PTK2: variants seen among roughly 807,000 people sequenced by gnomAD.
PTK2 encodes the protein protein tyrosine kinase 2, also known as focal adhesion kinase 1.
A neutral mutation model predicts 150.1 loss-of-function variants in PTK2; 45 were observed. The observed-to-expected ratio is 0.30, with a 90% CI of 0.24 to 0.38. The LOEUF (loss-of-function observed/expected upper bound fraction) is 0.38. PTK2 is among the 10% of genes least tolerant of loss of function. The probability of loss-of-function intolerance (pLI) is 1.00; values close to 1 mark genes in which losing one functional copy is unlikely to be tolerated. For missense variants in PTK2, 919 were observed against 1,307.3 expected, an observed-to-expected ratio of 0.70 and a Z score of 4.58; for synonymous variants, 432 against 449.2, an observed-to-expected ratio of 0.96 and a Z score of 0.48.
At chr8:140,727,627 C>T (rs1471046307) in intron 22 of PTK2, among the ~76,000 whole-genome samples, 5 of 151,822 alleles carry the variant, frequency 3.3e-5, no homozygotes, top group African/African-American at 1.2e-4. Context: ...TTAATCAAAC[C>T]TAGAACTTCT....
At chr8:140,742,813 A>G (rs1048959324) in intron 20 of PTK2, among the ~76,000 whole-genome samples, 6 of 152,070 alleles carry the variant, frequency 3.9e-5, no homozygotes, top group African/African-American at 1.4e-4. Context: ...TTCTCTTTTC[A>G]TCCTTTTAAC....
At chr8:140,916,155 T>C (rs951757040) in intron 2 of PTK2, among the ~76,000 whole-genome samples, 2 of 152,198 alleles carry the variant, frequency 1.3e-5, no homozygotes, top group African/African-American at 4.8e-5. Context: ...AAGACATCTG[T>C]TGAGAGAACC....
intron 2 of PTK2, among the ~76,000 whole-genome samples, chr8:140,915,275 T>C (rs993082445): frequency 6.6e-6 from 1 of 151,942 alleles, no homozygotes; most frequent in East Asian, 1.9e-4. Flanking sequence ...TTTAAATTGT[T>C]TGATCGGGCT....
chr8:140,736,016 G>C (rs1280994431), intron 21 of PTK2, among the ~76,000 whole-genome samples: 3 of 152,126 alleles, frequency 2.0e-5, no homozygotes, highest in Non-Finnish European at 4.4e-5. Flanking sequence ...AACTTCTTTG[G>C]GCTTCAAGTC....
intron 1 of PTK2, among the ~76,000 whole-genome samples, chr8:140,991,872 A>G (rs61589569): frequency 6.7e-6 from 1 of 150,076 alleles, no homozygotes; most frequent in Non-Finnish European, 1.5e-5. Context: ...AGCTAGGCGT[A>G]GTGGCATGCG....
intron 22 of PTK2, among the ~76,000 whole-genome samples, chr8:140,729,881 TCTC>T (rs1311234288): frequency 2.0e-5 from 3 of 152,120 alleles, no homozygotes; most frequent in South Asian, 2.1e-4. Context: ...ACAGTTTCAG[TCTC>T]CTCATCATCG....
chr8:140,960,111 G>A (rs2100182594), intron 1 of PTK2, among the ~76,000 whole-genome samples: 1 of 147,354 alleles, frequency 6.8e-6, no homozygotes, highest in African/African-American at 2.5e-5. Flanking sequence ...TTTGTATACA[G>A]TATTTTTTTA....
chr8:140,968,288 A>T (rs942101731), intron 1 of PTK2, among the ~76,000 whole-genome samples: 1 of 152,256 alleles, frequency 6.6e-6, no homozygotes, highest in African/African-American at 2.4e-5. Flanking sequence ...GATCAATATA[A>T]ATCAGGGAAT....
In PTK2 at chr8:140,745,408, G is replaced by A. The variant is rs2100058132; in HGVS notation, c.1519-641C>T. On this transcript the variant is annotated intron_variant, in intron 18 of 31. Transcript: ENST00000522684. ...CCCTAATTCTAAATAATTGATGAGA[G>A]AAATATTTAGCCATATTTTTTGAGC... is the stretch of plus-strand genomic sequence containing the variant. Among the ~76,000 whole-genome samples the A allele has an allele frequency of 2.0e-5, 3 of 152,288 alleles. No homozygotes were observed. The South Asian group carries it at 6.2e-4, about 32-fold the overall frequency.
intron 1 of PTK2, among the ~76,000 whole-genome samples, chr8:140,931,928 C>CA (rs765792463): frequency 0.018 from 960 of 54,424 alleles, 71 homozygotes; most frequent in East Asian, 0.046. Flanking sequence ...GACCCAGTCT[C>CA]AAAAAAAAAA....
chr8:140,820,081 T>G (rs559801152), intron 8 of PTK2, among the ~76,000 whole-genome samples: 1,773 of 41,066 alleles, frequency 0.043, 19 homozygotes, highest in Non-Finnish European at 0.064. Flanking sequence ...CTTTGGTTTT[T>G]TTTTTTTTTT....
chr8:140,801,794 C>T (rs1042190924), intron 11 of PTK2, among the ~76,000 whole-genome samples: 1 of 152,106 alleles, frequency 6.6e-6, no homozygotes, highest in Non-Finnish European at 1.5e-5. Flanking sequence ...ATAGTCAATG[C>T]ACCACATAAC....
chr8:140,746,488 T>C (rs1224062167), intron 18 of PTK2: 3 of 303,184 alleles, frequency 9.9e-6, no homozygotes, highest in African/African-American at 6.5e-5. Context: ...AGAGAAAAAA[T>C]AAAACCAAAC....
intron 29 of PTK2, chr8:140,672,141 A>T (rs1370523501): frequency 2.2e-6 from 1 of 453,998 alleles, no homozygotes; most frequent in Non-Finnish European, 4.4e-6. Context: ...AGCCATTTTG[A>T]AAGTCTGTTC....
intron 1 of PTK2, among the ~76,000 whole-genome samples, chr8:140,989,858 A>G (rs1391038470): frequency 6.7e-6 from 1 of 148,864 alleles, no homozygotes; most frequent in Admixed American, 6.8e-5. Flanking sequence ...CGGTGAGCCG[A>G]GGTTGCACCA....
intron 1 of PTK2, among the ~76,000 whole-genome samples, chr8:140,928,833 T>C (rs918801113): frequency 6.6e-6 from 1 of 151,646 alleles, no homozygotes; most frequent in Non-Finnish European, 1.5e-5. Context: ...AGTTTCAAGA[T>C]GAAAAAAATT....
Position 140,813,883 on chromosome 8 carries a change from A to T in PTK2, c.867+4394T>A, listed in dbSNP as rs561239758. On this transcript the variant is annotated intron_variant, in intron 10 of 31. Coordinates refer to ENST00000522684, the Ensembl canonical transcript of PTK2. Reference sequence around the variant, plus strand: ...AACCAAAACCAAGAGTTGTTTTTTTAAAAAAAAATTAATAAAATAGACCAC... The same window carrying T: ...AACCAAAACCAAGAGTTGTTTTTTTTAAAAAAAATTAATAAAATAGACCAC... Among the ~76,000 whole-genome samples, 168 of 151,636 alleles carry T rather than the reference A, an allele frequency of 1.1e-3. 5 individuals are homozygous for T. The South Asian group carries it at 0.024, about 22-fold the overall frequency.
intron 15 of PTK2, among the ~76,000 whole-genome samples, chr8:140,762,758 AC>A (rs1198905456): frequency 9.9e-5 from 15 of 152,074 alleles, no homozygotes; most frequent in Admixed American, 1.3e-4. Flanking sequence ...AAAAAAGTAA[AC>A]AAGTGTTTTG....
Position 140,668,262 on chromosome 8 carries a change from A to G in PTK2, c.2865+7T>C. 6.2e-7 allele frequency: 1 copy of G among 1,613,956 alleles called. No homozygotes were observed. The highest frequency in any genetic ancestry group is 8.5e-7 in the Non-Finnish European group (1 of 1,179,942). Reference sequence around the variant, plus strand: ...TTTTGCCAGTACACAAAATGACTCTATTTTACCTTCACCATAGGGACATAC... The same window carrying G: ...TTTTGCCAGTACACAAAATGACTCTGTTTTACCTTCACCATAGGGACATAC... On this transcript the variant is annotated splice_region_variant and intron_variant, in intron 30 of 31. Transcript: ENST00000522684.
Sources: gnomAD v4.1 joint callset for allele counts (sites outside exome capture counted in the v4.1 genomes callset) on GRCh38, gnomAD v4.1.1 for gene constraint, MANE v1.5 for transcripts, NCBI Gene and HGNC (gene_info 2026-07-23, HGNC 2026-07-21) for gene names.